Variants in MBD5 observed in about 807,000 individuals in gnomAD.
MBD5 encodes methyl-CpG-binding domain protein 5.
Under a neutral mutation model 117.3 loss-of-function variants are expected in MBD5, and 13 were observed. The ratio of observed to expected loss-of-function variants is 0.11; its 90% confidence interval spans 0.07 to 0.18. The LOEUF is 0.18. MBD5 is among the 10% of genes least tolerant of loss of function. MBD5 has a pLI of 1.00. For synonymous variants in MBD5, 727 were observed against 766.4 expected, an observed-to-expected ratio of 0.95 and a Z score of 0.85; for missense variants, 1,879 against 2,093.8, an observed-to-expected ratio of 0.90 and a Z score of 2.00.
Position 148,142,825 on chromosome 2 carries a change from C to T in MBD5, c.-924-35875C>T, listed in dbSNP as rs369242807. Among the ~76,000 whole-genome samples the T allele has an allele frequency of 5.1e-4, 78 of 151,982 alleles. 1 individual carries two copies. The East Asian group carries it at 7.0e-3, about 14-fold the overall frequency. ...ATTGATACCCAGATAGCAGTGGTGT[C>T]GGAAGAGTATATAAAAATTGTACTA... On this transcript the variant is annotated intron_variant, in intron 1 of 13. Coordinates refer to ENST00000642680, the MANE Select transcript of MBD5 (RefSeq NM_001378120.1).
At chr2:148,031,526 G>A (rs1171446204) in intron 1 of MBD5, among the ~76,000 whole-genome samples, 1 of 152,064 alleles carries the variant, frequency 6.6e-6, no homozygotes, top group Non-Finnish European at 1.5e-5. Flanking sequence ...TGAAAGCTGG[G>A]ATTAAAATTC....
At chr2:148,431,692 T>A in intron 4 of MBD5, among the ~76,000 whole-genome samples, 1 of 152,298 alleles carries the variant, frequency 6.6e-6, no homozygotes, top group Non-Finnish European at 1.5e-5. Context: ...GCTCCATCCA[T>A]GTTTCTTCAA....
At chr2:148,331,293 G>A (rs901970291) in intron 3 of MBD5, among the ~76,000 whole-genome samples, 6 of 151,730 alleles carry the variant, frequency 4.0e-5, no homozygotes, top group African/African-American at 9.7e-5. Context: ...TTAAGTAGTC[G>A]TTCAAGACTT....
chr2:148,092,917 T>C (rs111372622), intron 1 of MBD5, among the ~76,000 whole-genome samples: 10 of 151,926 alleles, frequency 6.6e-5, no homozygotes, highest in African/African-American at 2.2e-4. Context: ...GCTTCTTATC[T>C]ATCATGACCT....
At chr2:148,333,443 C>T (rs1359230915) in intron 3 of MBD5, among the ~76,000 whole-genome samples, 1 of 152,116 alleles carries the variant, frequency 6.6e-6, no homozygotes, top group Non-Finnish European at 1.5e-5. Flanking sequence ...ATAAGATGGG[C>T]TGCTAGCATT....
At chr2:148,298,285 G>A (rs1199250947) in intron 3 of MBD5, among the ~76,000 whole-genome samples, 2 of 152,164 alleles carry the variant, frequency 1.3e-5, no homozygotes, top group African/African-American at 4.8e-5. Context: ...TTGATAGCTT[G>A]CCTTCTGTGG....
chr2:148,184,023 A>ATT lies in MBD5; in HGVS notation c.-831+5245_-831+5246dup, dbSNP rs11404995. ...CATTCCTTCAAATACATCCTTCTTA[A>ATT]TTTTTTTTTTTTTTTTGAGACCTTC... On this transcript the variant is annotated intron_variant, in intron 2 of 13. Coordinates refer to ENST00000642680, the MANE Select transcript of MBD5 (RefSeq NM_001378120.1). Among the ~76,000 whole-genome samples, 295 of 140,940 alleles carry ATT rather than the reference A, an allele frequency of 2.1e-3. 1 individual carries two copies. Among genetic ancestry groups the ATT allele is most frequent in the East Asian group, 4.5e-3 (22 of 4,848 alleles). 92.5% of individuals were successfully genotyped at this position (140,940 alleles called of 152,430 possible).
At chr2:148,059,042 G>C (rs1694952987) in intron 1 of MBD5, among the ~76,000 whole-genome samples, 1 of 152,096 alleles carries the variant, frequency 6.6e-6, no homozygotes. Flanking sequence ...CTACTTACTT[G>C]AATGTGTACC....
intron 4 of MBD5, among the ~76,000 whole-genome samples, chr2:148,400,568 G>A (rs866979286): frequency 9.2e-5 from 14 of 152,280 alleles, no homozygotes; most frequent in African/African-American, 2.2e-4. Flanking sequence ...CAACATGAAG[G>A]TTGGTTTATT....
At chr2:148,337,427 T>TA (rs1336056157) in intron 3 of MBD5, among the ~76,000 whole-genome samples, 2 of 152,220 alleles carry the variant, frequency 1.3e-5, no homozygotes, top group African/African-American at 4.8e-5. Flanking sequence ...TTATATGTCC[T>TA]GATATGATCA....
chr2:148,050,528 C>T (rs1694667095), intron 1 of MBD5, among the ~76,000 whole-genome samples: 3 of 152,030 alleles, frequency 2.0e-5, no homozygotes, highest in African/African-American at 7.2e-5. Flanking sequence ...TTTTCACTCT[C>T]TATAATGTCA....
intron 3 of MBD5, among the ~76,000 whole-genome samples, chr2:148,294,380 A>G (rs1402382741): frequency 6.6e-6 from 1 of 150,792 alleles, no homozygotes; most frequent in Non-Finnish European, 1.5e-5. Flanking sequence ...GCCCGCCACC[A>G]CGCCCGGCTA....
At chr2:148,079,750 T>A (rs1234406) in intron 1 of MBD5, among the ~76,000 whole-genome samples, 41 of 151,836 alleles carry the variant, frequency 2.7e-4, no homozygotes, top group East Asian at 1.2e-3. Flanking sequence ...CCAGCTACTC[T>A]AGAGGCTGAG....
At chr2:148,249,862 G>A (rs1023920284) in intron 3 of MBD5, among the ~76,000 whole-genome samples, 1 of 152,084 alleles carries the variant, frequency 6.6e-6, no homozygotes, top group Non-Finnish European at 1.5e-5. Flanking sequence ...GCCATTACTG[G>A]TGGGGTTTGA....
In MBD5 at chr2:148,242,377, C is replaced by CATAT. The variant is rs34443442; in HGVS notation, c.-680+8993_-680+8996dup. ...GAGGTTCATTTCTATATTACACACA[C>CATAT]ATATATATATATATTCATTTCCATA... is the stretch of plus-strand genomic sequence containing the variant. On this transcript the variant is annotated intron_variant, in intron 3 of 13. Transcript: ENST00000642680. Among the ~76,000 whole-genome samples, 134 of 150,228 alleles carry CATAT rather than the reference C, an allele frequency of 8.9e-4. 1 individual carries two copies. Among genetic ancestry groups the CATAT allele is most frequent in the Middle Eastern group, 7.0e-3 (2 of 286 alleles).
At chr2:148,093,428 T>C (rs1472752355) in intron 1 of MBD5, among the ~76,000 whole-genome samples, 1 of 152,222 alleles carries the variant, frequency 6.6e-6, no homozygotes, top group Non-Finnish European at 1.5e-5. Context: ...TACAGACAGC[T>C]GTCTTTGTGA....
chr2:148,148,345 G>C (rs1023753002), intron 1 of MBD5, among the ~76,000 whole-genome samples: 1 of 152,206 alleles, frequency 6.6e-6, no homozygotes, highest in Non-Finnish European at 1.5e-5. Context: ...TAATAGTGAA[G>C]CTTTTGGCTT....
chr2:148,345,656 C>G (rs1703105632), intron 4 of MBD5, among the ~76,000 whole-genome samples: 1 of 145,216 alleles, frequency 6.9e-6, no homozygotes. Flanking sequence ...TATACATATA[C>G]ATATGTATAT....
intron 2 of MBD5, among the ~76,000 whole-genome samples, chr2:148,204,246 A>T (rs931468963): frequency 6.6e-6 from 1 of 152,154 alleles, no homozygotes; most frequent in African/African-American, 2.4e-5. Context: ...TGGAAGGAGC[A>T]CAAGAAAGGC....
Sources: allele counts gnomAD v4.1 joint callset (sites outside exome capture counted in the v4.1 genomes callset), GRCh38; gene constraint gnomAD v4.1.1; transcripts MANE v1.5; gene names NCBI Gene and HGNC (gene_info 2026-07-23, HGNC 2026-07-21).